Variants in PALM2AKAP2 observed in about 807,000 individuals in gnomAD.
The protein encoded by PALM2AKAP2 is PALM2-AKAP2 fusion protein.
In PALM2AKAP2, 37 loss-of-function variants were observed where a neutral mutation model predicts 71.5. The ratio of observed to expected loss-of-function variants is 0.52; its 90% CI spans 0.40 to 0.68. The LOEUF (loss-of-function observed/expected upper bound fraction) is 0.68, where lower values mean the gene tolerates loss of function less well. Ranked by LOEUF, PALM2AKAP2 falls within the 30% of genes least tolerant of loss-of-function variation. The pLI is 0.00. For missense variants in PALM2AKAP2, 1,224 were observed against 1,191.8 expected, an observed-to-expected ratio of 1.03 and a Z score of -0.40; for synonymous variants, 468 against 478.8, an observed-to-expected ratio of 0.98 and a Z score of 0.29.
At chr9:109,721,392 T>C (rs1288146442) in intron 1 of PALM2AKAP2, among the ~76,000 whole-genome samples, 1 of 152,222 alleles carries the variant, frequency 6.6e-6, no homozygotes, top group African/African-American at 2.4e-5. Context: ...TCGCTTTCTA[T>C]TGGGAACTTT....
intron 2 of PALM2AKAP2, among the ~76,000 whole-genome samples, chr9:110,140,362 A>C (rs1350596569): frequency 6.6e-6 from 1 of 152,294 alleles, no homozygotes; most frequent in East Asian, 1.9e-4. Context: ...GTTTCATCTT[A>C]TACTTTCCCA....
intron 1 of PALM2AKAP2, among the ~76,000 whole-genome samples, chr9:109,781,670 A>C (rs767625766): frequency 6.6e-6 from 1 of 152,234 alleles, no homozygotes; most frequent in East Asian, 1.9e-4. Flanking sequence ...CCTCTTTCTC[A>C]AACGCCTCAA....
intron 1 of PALM2AKAP2, among the ~76,000 whole-genome samples, chr9:109,816,502 C>T (rs985850378): frequency 1.3e-5 from 2 of 152,018 alleles, no homozygotes; most frequent in Non-Finnish European, 2.9e-5. Context: ...GAGTCTGGGC[C>T]GCTGCACCTA....
intron 1 of PALM2AKAP2, among the ~76,000 whole-genome samples, chr9:110,100,202 G>A (rs1025427312): frequency 2.0e-5 from 3 of 151,664 alleles, no homozygotes; most frequent in African/African-American, 2.4e-5. Context: ...CCCAAGCAAA[G>A]GTTTAAAAAG....
chr9:109,946,672 A>C (rs1831513880), intron 6 of PALM2AKAP2: 1 of 137,354 alleles, frequency 7.3e-6, no homozygotes, highest in African/African-American at 2.7e-5. Flanking sequence ...GGCAACAAAG[A>C]GCGAAACTCC....
intron 3 of PALM2AKAP2, among the ~76,000 whole-genome samples, chr9:109,882,174 C>A (rs1275038926): frequency 6.6e-6 from 1 of 152,092 alleles, no homozygotes; most frequent in African/African-American, 2.4e-5. Flanking sequence ...TGAACCACCG[C>A]ACCTGGCATG....
At chr9:109,652,334 A>T (rs948796945) in intron 1 of PALM2AKAP2, among the ~76,000 whole-genome samples, 6 of 152,020 alleles carry the variant, frequency 3.9e-5, no homozygotes, top group African/African-American at 1.4e-4. Flanking sequence ...TGAAGTAATA[A>T]ATTAGCTCAT....
At position 109,935,493 on chromosome 9, in the gene PALM2AKAP2, A is replaced by G. The variant is rs543870516; in HGVS notation, c.496+3465A>G. On this transcript the variant is annotated intron_variant, in intron 6 of 9. Coordinates refer to the PALM2AKAP2 transcript ENST00000302798. The stretch of plus-strand genomic sequence containing the variant: ...CAGGAATATAAGGGATTTTGTGATA[A>G]TCCAAATACTCTGGATCTTTTCAAA... Among the ~76,000 whole-genome samples the G allele has an allele frequency of 5.3e-5, 8 of 152,338 alleles. No individual in the cohort carries two copies. The South Asian group carries it at 1.5e-3, about 28-fold the overall frequency.
chr9:109,971,594 T>A (rs893791549), intron 6 of PALM2AKAP2, among the ~76,000 whole-genome samples: 1 of 151,904 alleles, frequency 6.6e-6, no homozygotes, highest in Non-Finnish European at 1.5e-5. Flanking sequence ...CCTGGCTAAT[T>A]TTTGTATTTT....
intron 6 of PALM2AKAP2, among the ~76,000 whole-genome samples, chr9:110,014,803 AATGT>A (rs1832947368): frequency 8.7e-4 from 14 of 16,018 alleles, no homozygotes; most frequent in African/African-American, 1.7e-3. Flanking sequence ...AAAAAAAAAA[AATGT>A]ATATATATAT....
chr9:109,871,649 T>C (rs1829605693), intron 2 of PALM2AKAP2, among the ~76,000 whole-genome samples: 1 of 152,216 alleles, frequency 6.6e-6, no homozygotes, highest in Admixed American at 6.5e-5. Flanking sequence ...TTAAGATATG[T>C]AACCATCATT....
At chr9:110,163,433 G>T (rs1408146140) in intron 3 of PALM2AKAP2, among the ~76,000 whole-genome samples, 3 of 152,108 alleles carry the variant, frequency 2.0e-5, no homozygotes, top group African/African-American at 7.2e-5. Context: ...ATTTTTAAAA[G>T]AAATTAGTAT....
intron 1 of PALM2AKAP2, among the ~76,000 whole-genome samples, chr9:109,743,902 C>A (rs867847394): frequency 1.3e-5 from 2 of 152,278 alleles, no homozygotes; most frequent in African/African-American, 2.4e-5. Flanking sequence ...CAGCAAATGA[C>A]AAAATTTGCT....
intron 1 of PALM2AKAP2, among the ~76,000 whole-genome samples, chr9:109,694,105 G>T (rs1275657919): frequency 6.6e-6 from 1 of 151,948 alleles, no homozygotes; most frequent in African/African-American, 2.4e-5. Context: ...GTTTACTCCA[G>T]TATTCTCAGT....
chr9:110,019,355 C>A (rs1356638690), intron 7 of PALM2AKAP2, among the ~76,000 whole-genome samples: 3 of 151,440 alleles, frequency 2.0e-5, no homozygotes, highest in African/African-American at 7.3e-5. Flanking sequence ...AACAGTTATA[C>A]ACTGTTGGTA....
At chr9:109,698,672 T>G (rs1181329843) in intron 1 of PALM2AKAP2, among the ~76,000 whole-genome samples, 1 of 152,180 alleles carries the variant, frequency 6.6e-6, no homozygotes, top group East Asian at 1.9e-4. Context: ...CATTGGTATA[T>G]CCATTCAGAG....
chr9:109,981,358 G>A lies in PALM2AKAP2; in HGVS notation c.497-34596G>A, dbSNP rs111251719. ...AGGAAGATATGAATGGATGTTATTA[G>A]CACACCTAAGCTGCTTAGATGGGCT... On this transcript the variant is annotated intron_variant, in intron 6 of 9. Transcript: ENST00000302798. 5.9e-3 allele frequency among the ~76,000 whole-genome samples: 892 copies of A among 152,320 alleles called. 7 individuals are homozygous for A. Among genetic ancestry groups the A allele is most frequent in the African/African-American group, 0.02 (840 of 41,568 alleles).
chr9:109,836,089 G>A lies in PALM2AKAP2; in HGVS notation c.46-31402G>A, dbSNP rs193259054. Among the ~76,000 whole-genome samples the A allele has an allele frequency of 6.8e-3, 1,029 of 152,308 alleles. 8 individuals carry two copies. Among genetic ancestry groups the A allele is most frequent in the Middle Eastern group, 0.048 (14 of 294 alleles). ...AACGGTCAGTCTGCCTCCTCAAGTG[G>A]GTCCCTGATCCCCGAGTAGCCTAAC... On this transcript the variant is annotated intron_variant, in intron 1 of 9. Coordinates refer to the PALM2AKAP2 transcript ENST00000302798.
At chr9:109,744,507 CAG>C (rs1828769971) in intron 1 of PALM2AKAP2, among the ~76,000 whole-genome samples, 1 of 152,086 alleles carries the variant, frequency 6.6e-6, no homozygotes, top group Non-Finnish European at 1.5e-5. Context: ...GGAAAGTTTC[CAG>C]AGAGTCACTA....
Sources: allele counts gnomAD v4.1 joint callset (sites outside exome capture counted in the v4.1 genomes callset), GRCh38; gene constraint gnomAD v4.1.1; transcripts MANE v1.5; gene names NCBI Gene and HGNC (gene_info 2026-07-23, HGNC 2026-07-21).